The following SLC2A12 variants were observed in gnomAD, a reference collection of about 807,000 sequenced individuals.
SLC2A12 encodes the protein solute carrier family 2 member 12, also known as solute carrier family 2, facilitated glucose transporter member 12.
SLC2A12 carries 23 observed loss-of-function variants against 41.8 expected under a neutral mutation model. The observed-to-expected ratio is 0.55, with a 90% CI of 0.40 to 0.78. The LOEUF (loss-of-function observed/expected upper bound fraction) is 0.78. SLC2A12 is among the 30% of genes least tolerant of loss of function. The pLI, the probability that SLC2A12 is intolerant of heterozygous loss-of-function variation, is 0.00. For missense variants in SLC2A12, 654 were observed against 745.6 expected (o/e 0.88, Z 1.43); for synonymous variants, 295 against 285.9 (o/e 1.03, Z -0.32).
At chr6:134,026,214 T>C (rs570773637) in intron 2 of SLC2A12, among the ~76,000 whole-genome samples, 4 of 152,220 alleles carry the variant, frequency 2.6e-5, no homozygotes, top group South Asian at 4.1e-4. Flanking sequence ...ACCAAGAAAA[T>C]TGATGTACAA....
intron 2 of SLC2A12, among the ~76,000 whole-genome samples, chr6:134,015,555 G>A (rs1369557349): frequency 1.3e-5 from 2 of 152,204 alleles, no homozygotes; most frequent in Non-Finnish European, 2.9e-5. Context: ...TTTCTCTGAA[G>A]ATATGTAATT....
At chr6:134,000,237 G>A (rs1367729355) in intron 4 of SLC2A12, among the ~76,000 whole-genome samples, 2 of 152,044 alleles carry the variant, frequency 1.3e-5, no homozygotes, top group Non-Finnish European at 2.9e-5. Context: ...TTTACCTTAA[G>A]CTTAAACTGG....
intron 1 of SLC2A12, among the ~76,000 whole-genome samples, chr6:134,035,520 C>T (rs1331871813): frequency 1.3e-5 from 2 of 152,176 alleles, no homozygotes; most frequent in Non-Finnish European, 2.9e-5. Context: ...CATTTCTACA[C>T]GCCCATCCTT....
At chr6:134,049,052 C>T (rs1773633991) in intron 1 of SLC2A12, among the ~76,000 whole-genome samples, 1 of 152,332 alleles carries the variant, frequency 6.6e-6, no homozygotes, top group East Asian at 1.9e-4. Context: ...TTACATCTTA[C>T]ATACTCACCA....
rs192632686 is a variant in SLC2A12, at chr6:134,043,877, A to G, written c.103+8501T>C. ...TCCCAAGAATTCCTGTTTTCATGGT[A>G]CTTAGTTCACAAAAGTTTTGTGACA... On this transcript the variant is annotated intron_variant, in intron 1 of 4. Transcript: ENST00000275230. Among the ~76,000 whole-genome samples the G allele has an allele frequency of 1.5e-3, 233 of 151,830 alleles. 2 individuals are homozygous for G. In the South Asian group the frequency reaches 0.019, roughly 12 times the overall value.
rs541958874 is a variant in SLC2A12, at chr6:134,003,366, T to C, written c.1568-1237A>G. 1.2e-4 allele frequency among the ~76,000 whole-genome samples: 18 copies of C among 152,264 alleles called. No homozygotes were observed. In the South Asian group the frequency reaches 3.7e-3, roughly 32 times the overall value. On this transcript the variant is annotated intron_variant, in intron 3 of 4. Coordinates refer to ENST00000275230, the MANE Select transcript of SLC2A12 (RefSeq NM_145176.3). ...TTCTCTGGAGCTTAAAACCAGAATA[T>C]AGAAATTGTCAAAACCCTAAAGGCT...
At chr6:134,016,419 G>A (rs1466753076) in intron 2 of SLC2A12, among the ~76,000 whole-genome samples, 2 of 152,052 alleles carry the variant, frequency 1.3e-5, no homozygotes, top group Non-Finnish European at 2.9e-5. Context: ...TTATGTGCAG[G>A]TGTCATCTGG....
Position 134,050,830 on chromosome 6 carries a change from T to C in SLC2A12, c.103+1548A>G, listed in dbSNP as rs187786867. Among the ~76,000 whole-genome samples the C allele has an allele frequency of 7.5e-3, 1,137 of 152,280 alleles. 14 individuals carry two copies. Among genetic ancestry groups the C allele is most frequent in the African/African-American group, 0.027 (1,108 of 41,548 alleles). ...TTTCCCTTGCCTGCTCTTAGGGAAC[T>C]TGTGGGCCAATGAGTAGCAAGCGCT... On this transcript the variant is annotated intron_variant, in intron 1 of 4. Transcript: ENST00000275230.
At position 134,007,042 on chromosome 6, in the gene SLC2A12, T is replaced by C. The variant is rs188121884; in HGVS notation, c.1445-108A>G. The C allele has an allele frequency of 4.6e-5, 68 of 1,488,120 alleles. No homozygotes were observed. The African/African-American group carries it at 1.0e-3, about 22-fold the overall frequency. 92.2% of individuals were successfully genotyped at this position (1,488,120 alleles called of 1,614,324 possible). ...CCTGCCCTCATCCTGCCGGGATTTG[T>C]GGTTGGGAAGCACCATTTCCTACCT... On this transcript the variant is annotated intron_variant, in intron 2 of 4. Coordinates refer to ENST00000275230, the MANE Select transcript of SLC2A12 (RefSeq NM_145176.3).
At chr6:134,050,878 T>C (rs1773672696) in intron 1 of SLC2A12, among the ~76,000 whole-genome samples, 1 of 152,116 alleles carries the variant, frequency 6.6e-6, no homozygotes, top group Non-Finnish European at 1.5e-5. Flanking sequence ...TACTTCTGCA[T>C]AGGAGAGGAC....
intron 1 of SLC2A12, among the ~76,000 whole-genome samples, chr6:134,049,778 AC>A (rs1430021478): frequency 1.3e-5 from 2 of 152,202 alleles, no homozygotes; most frequent in African/African-American, 2.4e-5. Flanking sequence ...GTCAAGAAAG[AC>A]CTACCAAAAT....
In SLC2A12 at chr6:134,028,875, C is replaced by T. The variant is rs937906577; in HGVS notation, c.950G>A (p.Ser317Asn). Residue 317 changes from serine (S) to asparagine (N), a missense_variant, in exon 2 of 5, where the codon AGC becomes AAC. Physicochemically the swap from Ser to Asn is conservative, Grantham distance 46. This residue lies in a region of SLC2A12 where 411 missense variants were observed against 412.1 expected (regional missense o/e 1.00). Transcript: ENST00000275230. ...SVGFQSNEAA[S>N]LASTGVGVVK... ...GACTCCAACCCCAGTGGAGGCGAGG[C>T]TAGCTGCCTCATTGCTTTGAAATCC... 7.4e-6 allele frequency: 12 copies of T among 1,614,096 alleles called. No homozygotes were observed. The highest frequency in any genetic ancestry group is 1.0e-5 in the Non-Finnish European group (12 of 1,180,054).
chr6:134,020,597 C>T (rs1777027815), intron 2 of SLC2A12, among the ~76,000 whole-genome samples: 1 of 152,160 alleles, frequency 6.6e-6, no homozygotes, highest in South Asian at 2.1e-4. Context: ...AAAGGATTGA[C>T]TCTTAGCAAG....
At chr6:134,013,389 C>T (rs1253494780) in intron 2 of SLC2A12, among the ~76,000 whole-genome samples, 1 of 151,926 alleles carries the variant, frequency 6.6e-6, no homozygotes, top group Non-Finnish European at 1.5e-5. Context: ...GTGAATTAAG[C>T]TATTAGCATA....
intron 1 of SLC2A12, among the ~76,000 whole-genome samples, chr6:134,032,867 T>A (rs1029212023): frequency 7.0e-6 from 1 of 142,782 alleles, no homozygotes; most frequent in Middle Eastern, 3.6e-3. Context: ...ATATAATATA[T>A]TACATATATT....
Position 134,028,776 on chromosome 6 carries a change from C to T in SLC2A12, c.1049G>A (p.Gly350Asp), listed in dbSNP as rs1454393879. The change falls in exon 2 of 5, where the codon GGC becomes GAC. Residue 350 changes from glycine (G) to aspartate (D), a missense_variant. Physicochemically the swap from Gly to Asp is moderately conservative, Grantham distance 94 (BLOSUM62 -1). Transcript: ENST00000275230. ...HVGSKTFLCI[G>D]SSVMAASLVT... ...CAACGAAGCTGCCATCACAGAGGAG[C>T]CAATGCAGAGGAATGTTTTGCTGCC... The T allele has an allele frequency of 6.2e-7, 1 of 1,614,130 alleles. No individual in the cohort carries two copies. Among genetic ancestry groups the T allele is most frequent in the Admixed American group, 1.7e-5 (1 of 60,016 alleles).
At chr6:134,026,503 A>G (rs1777113602) in intron 2 of SLC2A12, among the ~76,000 whole-genome samples, 1 of 152,270 alleles carries the variant, frequency 6.6e-6, no homozygotes, top group Non-Finnish European at 1.5e-5. Context: ...GTTAGCTCAA[A>G]TTTCATTAGC....
chr6:134,032,565 T>C (rs985182156), intron 1 of SLC2A12, among the ~76,000 whole-genome samples: 1 of 145,934 alleles, frequency 6.9e-6, no homozygotes, highest in Non-Finnish European at 1.5e-5. Context: ...AGCTGTGGTC[T>C]CAGTTGCCTG....
chr6:133,991,525 C>T (rs1288273940), intron 4 of SLC2A12, among the ~76,000 whole-genome samples: 3 of 152,160 alleles, frequency 2.0e-5, no homozygotes, highest in Admixed American at 2.0e-4. Context: ...TCTCAGAATA[C>T]AATCCCAGCA....
Sources: allele counts gnomAD v4.1 joint callset (sites outside exome capture counted in the v4.1 genomes callset), GRCh38; gene constraint gnomAD v4.1.1; regional missense constraint gnomAD v4.1.1; transcripts MANE v1.5; gene names NCBI Gene and HGNC (gene_info 2026-07-23, HGNC 2026-07-21).